RPH3AL: variants seen among roughly 807,000 people sequenced by gnomAD.
The protein encoded by RPH3AL is rabphilin 3A like (without C2 domains).
RPH3AL carries 38 observed loss-of-function variants against 43.1 expected under a neutral mutation model. The observed-to-expected ratio is 0.88, with a 90% CI of 0.68 to 1.15. The LOEUF (loss-of-function observed/expected upper bound fraction) is 1.15. Ranked by LOEUF, RPH3AL falls within the 50% of genes most tolerant of loss-of-function variation. The pLI is 0.00. For synonymous variants in RPH3AL, 189 were observed against 176.3 expected (o/e 1.07, Z -0.57); for missense variants, 462 against 423.2 (o/e 1.09, Z -0.81).
At chr17:249,155 A>T (rs1424255843) in intron 6 of RPH3AL, among the ~76,000 whole-genome samples, 4 of 152,188 alleles carry the variant, frequency 2.6e-5, no homozygotes, top group Non-Finnish European at 5.9e-5. Context: ...TTTTCTGATG[A>T]AGGAAATAAA....
Position 212,949 on chromosome 17 carries a change from G to A in RPH3AL, c.*903C>T, listed in dbSNP as rs2040708862. On this transcript the variant is annotated 3_prime_UTR_variant, in exon 10 of 10. Transcript: ENST00000331302. ...TGAGCAAAAACCAGGCAGGCCATGA[G>A]GGGATTCAAAGAAACCTAATAGGAT... is the stretch of plus-strand genomic sequence containing the variant. 1 of 151,878 alleles carries A rather than the reference G, an allele frequency of 6.6e-6. No homozygotes were observed. The highest frequency in any genetic ancestry group is 2.4e-5 in the African/African-American group (1 of 41,344). 9.4% of individuals were successfully genotyped at this position (151,878 alleles called of 1,614,324 possible).
rs141084682 is a variant in RPH3AL at position 241,882 on chromosome 17, G to A, written c.613+5229C>T. 9.3e-4 allele frequency among the ~76,000 whole-genome samples: 142 copies of A among 152,154 alleles called. 2 individuals are homozygous for A. The highest frequency in any genetic ancestry group is 3.4e-3 in the Middle Eastern group (1 of 294). On this transcript the variant is annotated intron_variant, in intron 7 of 9. Coordinates refer to ENST00000331302, the MANE Select transcript of RPH3AL (RefSeq NM_006987.4). Reference sequence around the variant, plus strand: ...GGTAATCCCCGCACTTTGGGAGGCCGAGGCAGGTGAATTGTTTGAGGCCAA... The same window carrying A: ...GGTAATCCCCGCACTTTGGGAGGCCAAGGCAGGTGAATTGTTTGAGGCCAA...
At chr17:284,946 T>C (rs1442742428) in intron 5 of RPH3AL, among the ~76,000 whole-genome samples, 1 of 152,284 alleles carries the variant, frequency 6.6e-6, no homozygotes, top group East Asian at 1.9e-4. Context: ...CCTCCTCCTC[T>C]GATAAGGACG....
intron 7 of RPH3AL, among the ~76,000 whole-genome samples, chr17:235,670 A>G (rs112092423): frequency 0.52 from 33,970 of 65,910 alleles, 8,795 homozygotes; most frequent in Admixed American, 0.58. Flanking sequence ...AGCTGGGGTC[A>G]GCGGAGGCTC....
At chr17:309,171 T>C (rs1330925595) in intron 5 of RPH3AL, among the ~76,000 whole-genome samples, 3 of 152,254 alleles carry the variant, frequency 2.0e-5, no homozygotes, top group East Asian at 3.9e-4. Flanking sequence ...GGTGCATGAC[T>C]GTGGTCCTAG....
intron 5 of RPH3AL, among the ~76,000 whole-genome samples, chr17:311,993 G>A (rs1011673769): frequency 6.6e-6 from 1 of 152,104 alleles, no homozygotes; most frequent in African/African-American, 2.4e-5. Flanking sequence ...TAATCCGATA[G>A]GACTAGTGTC....
intron 5 of RPH3AL, among the ~76,000 whole-genome samples, chr17:291,560 C>T (rs772617754): frequency 5.3e-5 from 8 of 152,170 alleles, no homozygotes; most frequent in Non-Finnish European, 8.8e-5. Flanking sequence ...GAAATAGCTA[C>T]GTCTGAATGG....
At chr17:228,042 G>A (rs2041145981) in intron 7 of RPH3AL, among the ~76,000 whole-genome samples, 1 of 152,094 alleles carries the variant, frequency 6.6e-6, no homozygotes, top group Non-Finnish European at 1.5e-5. Flanking sequence ...ACACAGGGTA[G>A]GGTCCTTGGC....
At chr17:281,512 TC>T (rs1433953138) in intron 6 of RPH3AL, among the ~76,000 whole-genome samples, 6 of 151,654 alleles carry the variant, frequency 4.0e-5, no homozygotes, top group African/African-American at 1.5e-4. Context: ...CCTCGGACTC[TC>T]CCACGTGTAG....
At position 213,874 on chromosome 17, in the gene RPH3AL, C is replaced by T. The variant is rs1015469855; in HGVS notation, c.926G>A (p.Gly309Asp). 8 of 1,613,548 alleles carry T rather than the reference C, an allele frequency of 5.0e-6. No individual in the cohort carries two copies. The African/African-American group carries it at 6.7e-5, about 13-fold the overall frequency. The change falls in exon 10 of 10, where the codon GGC becomes GAC. Residue 309 changes from glycine (G) to aspartate (D), a missense_variant. Physicochemically the swap from Gly to Asp is moderately conservative, Grantham distance 94 (BLOSUM62 -1). Transcript: ENST00000331302. The part of the protein sequence containing the change: ...RAPAADAAPA[G>D]PSSCLG ...ACCTCAGCCCAGGCAGCTGGAGGGG[C>T]CTGCTGGAGCTGCGTCAGCAGCGGG...
chr17:331,917 G>T, intron 2 of RPH3AL: 1 of 1,255,064 alleles, frequency 8.0e-7, no homozygotes, highest in East Asian at 5.6e-5. Flanking sequence ...GAACAAAATA[G>T]GGCCTTATAG....
intron 1 of RPH3AL, among the ~76,000 whole-genome samples, chr17:340,330 A>C (rs892700174): frequency 5.1e-5 from 5 of 97,466 alleles, no homozygotes; most frequent in African/African-American, 1.8e-4. Context: ...GTCATACCTC[A>C]TGCCCAGGCC....
In RPH3AL at chr17:223,519, T is replaced by G. The variant is rs115163432; in HGVS notation, c.614-3783A>C. On this transcript the variant is annotated intron_variant, in intron 7 of 9. Transcript: ENST00000331302. ...GTGAGCATCGTCTTCCAAACAACCCTGAGCCGCTGGTGAGAGGTAAGACTG... is the reference window on the plus strand; with the variant it reads ...GTGAGCATCGTCTTCCAAACAACCCGGAGCCGCTGGTGAGAGGTAAGACTG... Among the ~76,000 whole-genome samples, 468 of 152,290 alleles carry G rather than the reference T, an allele frequency of 3.1e-3. 2 individuals carry two copies. Among genetic ancestry groups the G allele is most frequent in the African/African-American group, 0.011 (443 of 41,570 alleles).
intron 6 of RPH3AL, among the ~76,000 whole-genome samples, chr17:272,243 T>C (rs903930247): frequency 1.3e-4 from 19 of 151,954 alleles, no homozygotes; most frequent in African/African-American, 2.4e-4. Context: ...GACCCAGCCA[T>C]CCCATTACTG....
rs1163075636 is a variant in RPH3AL, at chr17:245,349, G to A, written c.613+1762C>T. ...AGTGTGTGTGTGTGGATGTGAGTGT[G>A]TATGTGGATGTCAGTGTGTGTGTGT... On this transcript the variant is annotated intron_variant, in intron 7 of 9. Transcript: ENST00000331302. The surrounding 1 kb of genome is among the most constrained non-coding windows in gnomAD (Gnocchi z 5.9). Among the ~76,000 whole-genome samples the A allele has an allele frequency of 2.6e-5, 4 of 151,200 alleles. No homozygotes were observed. The highest frequency in any genetic ancestry group is 1.3e-4 in the Admixed American group (2 of 15,132).
intron 6 of RPH3AL, among the ~76,000 whole-genome samples, chr17:265,680 G>A (rs1254863636): frequency 6.6e-6 from 1 of 152,136 alleles, no homozygotes; most frequent in African/African-American, 2.4e-5. Context: ...CCTGACCTCT[G>A]GAAAATGACA....
intron 7 of RPH3AL, among the ~76,000 whole-genome samples, chr17:235,785 C>G (rs796456901): frequency 8.7e-5 from 12 of 137,764 alleles, no homozygotes; most frequent in African/African-American, 2.6e-4. Flanking sequence ...AGGCTCCGCA[C>G]TAACAAGATG....
At chr17:269,032 C>G (rs888461234) in intron 6 of RPH3AL, among the ~76,000 whole-genome samples, 1 of 152,182 alleles carries the variant, frequency 6.6e-6, no homozygotes, top group Non-Finnish European at 1.5e-5. Flanking sequence ...GCGCCCGCCA[C>G]CACGCCTGGC....
intron 7 of RPH3AL, among the ~76,000 whole-genome samples, chr17:226,172 G>A (rs1286866208): frequency 6.6e-6 from 1 of 152,240 alleles, no homozygotes; most frequent in Non-Finnish European, 1.5e-5. Flanking sequence ...TCCTCCCTGA[G>A]TTACAGTCAC....
Sources: gnomAD v4.1 joint callset for allele counts (sites outside exome capture counted in the v4.1 genomes callset) on GRCh38, gnomAD v4.1.1 for gene constraint, Gnocchi (gnomAD v3.1) non-coding constraint, MANE v1.5 for transcripts, NCBI Gene and HGNC (gene_info 2026-07-23, HGNC 2026-07-21) for gene names.